The following PRKAR2B variants were observed in gnomAD, a reference collection of about 807,000 sequenced individuals.
PRKAR2B encodes cAMP-dependent protein kinase type II-beta regulatory subunit.
PRKAR2B carries 14 observed loss-of-function variants against 49.9 expected under a neutral mutation model. The ratio of observed to expected loss-of-function variants is 0.28; its 90% CI spans 0.19 to 0.44. The LOEUF (loss-of-function observed/expected upper bound fraction) is 0.44. PRKAR2B is among the 20% of genes least tolerant of loss of function. The pLI, the probability that PRKAR2B is intolerant of heterozygous loss-of-function variation, is 1.00. For synonymous variants in PRKAR2B, 196 were observed against 197.7 expected (o/e 0.99, Z 0.07); for missense variants, 393 against 537.9 (o/e 0.73, Z 2.67).
chr7:107,095,007 A>G (rs894418865), intron 2 of PRKAR2B, among the ~76,000 whole-genome samples: 5 of 152,276 alleles, frequency 3.3e-5, no homozygotes, highest in Non-Finnish European at 5.9e-5. Context: ...TTGGCTCCAC[A>G]TGAACTTTAA....
intron 2 of PRKAR2B, among the ~76,000 whole-genome samples, chr7:107,118,456 A>T (rs1271349296): frequency 1.4e-4 from 6 of 43,208 alleles, no homozygotes; most frequent in South Asian, 8.4e-4. Flanking sequence ...TCATTTATTT[A>T]AAAAAAAAAA....
chr7:107,126,446 C>T (rs1795496192), intron 3 of PRKAR2B, among the ~76,000 whole-genome samples: 1 of 124,592 alleles, frequency 8.0e-6, no homozygotes. Context: ...AAAAAAAAGT[C>T]GTCATTGGTA....
chr7:107,124,093 A>C (rs568930807), intron 3 of PRKAR2B, among the ~76,000 whole-genome samples: 13 of 152,228 alleles, frequency 8.5e-5, no homozygotes, highest in Non-Finnish European at 1.8e-4. Flanking sequence ...TACTTCTGAG[A>C]CTCACCAAAT....
At position 107,159,622 on chromosome 7, in the gene PRKAR2B, A is replaced by T. The variant is rs2115688661; in HGVS notation, c.*40A>T. 1 of 1,607,782 alleles carries T rather than the reference A, an allele frequency of 6.2e-7. No homozygotes were observed. Among genetic ancestry groups the T allele is most frequent in the East Asian group, 2.2e-5 (1 of 44,804 alleles). ...GCAAGACCTGTAGTGACAAAATTACACAGTAGTGGTTAGTCCACTGAGAAT... is the reference window on the plus strand; with the variant it reads ...GCAAGACCTGTAGTGACAAAATTACTCAGTAGTGGTTAGTCCACTGAGAAT... On this transcript the variant is annotated 3_prime_UTR_variant, in exon 11 of 11. Transcript: ENST00000265717.
rs1429909685 is a variant in PRKAR2B, at chr7:107,055,927, TC to T, written c.307+10714del. On this transcript the variant is annotated intron_variant, in intron 1 of 10. Transcript: ENST00000265717. ...CTGAATGGTATTGCCTAGGTTTTCT[TC>T]TAGGGTTTTTATGGTTTTAGGTCTA... 1.3e-4 allele frequency among the ~76,000 whole-genome samples: 20 copies of T among 152,330 alleles called. No homozygotes were observed. The East Asian group carries it at 3.7e-3, about 28-fold the overall frequency.
chr7:107,095,845 G>T (rs1420604547), intron 2 of PRKAR2B, among the ~76,000 whole-genome samples: 1 of 152,214 alleles, frequency 6.6e-6, no homozygotes, highest in East Asian at 1.9e-4. Flanking sequence ...GCATCCCAGG[G>T]ATGAAGCCCA....
intron 8 of PRKAR2B, among the ~76,000 whole-genome samples, chr7:107,155,907 C>G (rs886593357): frequency 6.6e-6 from 1 of 152,110 alleles, no homozygotes. Flanking sequence ...ACATATATAC[C>G]ATGGAGTACT....
At chr7:107,099,766 C>T (rs921594527) in intron 2 of PRKAR2B, among the ~76,000 whole-genome samples, 1 of 151,840 alleles carries the variant, frequency 6.6e-6, no homozygotes, top group African/African-American at 2.4e-5. Flanking sequence ...TCCTGAGTAG[C>T]TGGGACTACA....
At chr7:107,126,938 A>G (rs542949440) in intron 3 of PRKAR2B, among the ~76,000 whole-genome samples, 1 of 152,222 alleles carries the variant, frequency 6.6e-6, no homozygotes, top group Non-Finnish European at 1.5e-5. Flanking sequence ...GGGAAAGTGC[A>G]GTGACCCTTT....
rs1793663809 is a variant in PRKAR2B, at chr7:107,045,113, C to T, written c.206C>T (p.Thr69Ile). ...CTGGGCGCCGCTGCCGGGGGCGGCA[C>T]CCCCAGCAAGGGGGTCAACTTCGCC... Reference protein sequence around the residue: ...GDLGAAAGGGTPSKGVNFAEE... With the variant: ...GDLGAAAGGGIPSKGVNFAEE... The change falls in exon 1 of 11, where the codon ACC becomes ATC. Residue 69 changes from threonine (T) to isoleucine (I), a missense_variant. By Grantham distance (89) the Thr-to-Ile change is moderately conservative (BLOSUM62 -1). Around this residue, in one of 2 missense-constraint regions of PRKAR2B, gnomAD observed 160 missense variants for 147.6 expected, o/e 1.08. Transcript: ENST00000265717. The T allele has an allele frequency of 6.6e-7, 1 of 1,525,336 alleles. No homozygotes were observed. The highest frequency in any genetic ancestry group is 8.8e-7 in the Non-Finnish European group (1 of 1,138,938). 94.5% of individuals were successfully genotyped at this position (1,525,336 alleles called of 1,614,324 possible). A position where few individuals can be genotyped will look rare whatever the true frequency, so the allele number is the denominator to read the frequency against.
Position 107,121,991 on chromosome 7 carries a change from A to C in PRKAR2B, c.383A>C (p.Asp128Ala). Residue 128 changes from aspartate (D) to alanine (A), a missense_variant, in exon 3 of 11, where the codon GAT becomes GCT. By Grantham distance (126) the Asp-to-Ala change is moderately radical. Transcript: ENST00000265717. The part of the protein sequence containing the change: ...EAYNPDEEED[D>A]AESRIIHPKT... ...TATAATCCTGATGAAGAAGAAGATG[A>C]TGCAGAGTCCAGGGTATGTAATTTA... The C allele has an allele frequency of 6.3e-7, 1 of 1,597,622 alleles. No individual in the cohort carries two copies. The highest frequency in any genetic ancestry group is 2.2e-5 in the East Asian group (1 of 44,452).
At chr7:107,147,720 T>C (rs68076207) in intron 6 of PRKAR2B, among the ~76,000 whole-genome samples, 11,071 of 152,314 alleles carry the variant, frequency 0.073, 442 homozygotes, top group Middle Eastern at 0.095. Context: ...GTTTACAGTA[T>C]ATGTATTTTC....
chr7:107,107,008 A>G (rs1232135022), intron 2 of PRKAR2B, among the ~76,000 whole-genome samples: 1 of 152,298 alleles, frequency 6.6e-6, no homozygotes, highest in East Asian at 1.9e-4. Flanking sequence ...TTTTTACAGA[A>G]TAAGTCCAAT....
At chr7:107,125,022 C>T (rs1301000757) in intron 3 of PRKAR2B, among the ~76,000 whole-genome samples, 2 of 151,886 alleles carry the variant, frequency 1.3e-5, no homozygotes, top group Non-Finnish European at 2.9e-5. Context: ...CTTTATGACG[C>T]TTGAATTTGA....
chr7:107,136,026 C>G (rs1795696379), intron 4 of PRKAR2B, among the ~76,000 whole-genome samples: 1 of 152,082 alleles, frequency 6.6e-6, no homozygotes, highest in South Asian at 2.1e-4. Context: ...GGTAACAGCC[C>G]CACTTAAATG....
intron 10 of PRKAR2B, 115 bp from the exon 11 acceptor site, chr7:107,159,334 T>A (rs1796154108): frequency 9.5e-7 from 1 of 1,057,872 alleles, no homozygotes; most frequent in Non-Finnish European, 1.3e-6. Flanking sequence ...TTTATAGTAT[T>A]TACCTAAAAT....
chr7:107,138,554 T>C (rs1795739362), intron 4 of PRKAR2B, among the ~76,000 whole-genome samples: 1 of 148,094 alleles, frequency 6.8e-6, no homozygotes, highest in South Asian at 2.2e-4. Context: ...TAGCTGAGAC[T>C]ACTCATTTTT....
intron 2 of PRKAR2B, among the ~76,000 whole-genome samples, chr7:107,114,323 GCTGTGT>G (rs1414262918): frequency 3.0e-5 from 4 of 132,654 alleles, no homozygotes; most frequent in Non-Finnish European, 6.3e-5. Context: ...GGCATGTACA[GCTGTGT>G]GTGTGTGTGT....
intron 2 of PRKAR2B, among the ~76,000 whole-genome samples, chr7:107,118,770 G>C (rs1795336829): frequency 6.6e-6 from 1 of 152,222 alleles, no homozygotes. Flanking sequence ...GGCTTGGAAA[G>C]GAGATTGGAG....
Sources: gnomAD v4.1 joint callset for allele counts (sites outside exome capture counted in the v4.1 genomes callset) on GRCh38, gnomAD v4.1.1 for gene constraint, gnomAD v4.1.1 regional missense constraint, MANE v1.5 for transcripts, NCBI Gene and HGNC (gene_info 2026-07-23, HGNC 2026-07-21) for gene names.